Variants in CNTNAP5 observed in about 807,000 individuals in gnomAD.
CNTNAP5 encodes contactin associated protein family member 5, also known as contactin-associated protein-like 5.
CNTNAP5 carries 72 observed loss-of-function variants against 150.2 expected under a neutral mutation model. The observed-to-expected ratio is 0.48, with a 90% confidence interval of 0.40 to 0.58. The LOEUF is 0.58. Among genes scored for constraint, CNTNAP5 ranks in the 20% least tolerant of loss-of-function variants. The pLI is 0.00. For missense variants in CNTNAP5, 1,636 were observed against 1,626.2 expected (o/e 1.01, Z -0.10); for synonymous variants, 672 against 619.8 (o/e 1.08, Z -1.25).
intron 13 of CNTNAP5, chr2:124,680,606 A>T (rs1232000433): frequency 6.6e-6 from 1 of 151,590 alleles, no homozygotes; most frequent in African/African-American, 2.4e-5. Flanking sequence ...TGTTGGCTAT[A>T]TTTCCCCCCA....
chr2:124,315,269 C>T lies in CNTNAP5; in HGVS notation c.381+72876C>T, dbSNP rs144366710. ...GAGCCACCACGCTGAGCCCCTAATA[C>T]GCCTTTCTGTCTGGTCAGTCAGTTT... On this transcript the variant is annotated intron_variant, in intron 3 of 23. Transcript: ENST00000682447. 6.0e-3 allele frequency among the ~76,000 whole-genome samples: 907 copies of T among 152,276 alleles called. 12 individuals are homozygous for T. Among genetic ancestry groups the T allele is most frequent in the African/African-American group, 0.021 (867 of 41,552 alleles).
intron 9 of CNTNAP5, among the ~76,000 whole-genome samples, chr2:124,525,795 A>G (rs1306597385): frequency 6.6e-6 from 1 of 152,154 alleles, no homozygotes; most frequent in African/African-American, 2.4e-5. Flanking sequence ...TCATGCAGAA[A>G]CCTTGTGCAG....
At chr2:124,185,157 T>A (rs915260414) in intron 1 of CNTNAP5, among the ~76,000 whole-genome samples, 1 of 152,218 alleles carries the variant, frequency 6.6e-6, no homozygotes, top group African/African-American at 2.4e-5. Context: ...AAATTCCTTT[T>A]GCATGTCAAA....
At chr2:124,126,552 C>A (rs543072982) in intron 1 of CNTNAP5, among the ~76,000 whole-genome samples, 1 of 152,292 alleles carries the variant, frequency 6.6e-6, no homozygotes, top group African/African-American at 2.4e-5. Context: ...CTTCTTAACT[C>A]ATTTTATGAG....
intron 4 of CNTNAP5, among the ~76,000 whole-genome samples, chr2:124,431,855 A>C (rs1448657953): frequency 6.6e-6 from 1 of 151,938 alleles, no homozygotes; most frequent in Non-Finnish European, 1.5e-5. Flanking sequence ...TTTTGACATA[A>C]ACTTAACCCC....
chr2:124,899,992 T>A (rs1187899916), intron 21 of CNTNAP5, among the ~76,000 whole-genome samples: 2 of 151,310 alleles, frequency 1.3e-5, no homozygotes, highest in African/African-American at 4.9e-5. Context: ...GAGGGTTTTT[T>A]TTTTGGAGGC....
At chr2:124,143,591 AC>A (rs1054768986) in intron 1 of CNTNAP5, among the ~76,000 whole-genome samples, 1 of 52,202 alleles carries the variant, frequency 1.9e-5, no homozygotes, top group African/African-American at 6.5e-5. Flanking sequence ...AAATTCAACA[AC>A]CCTTCATGCT....
chr2:124,485,750 G>C (rs1332603329), intron 7 of CNTNAP5, among the ~76,000 whole-genome samples: 2 of 152,050 alleles, frequency 1.3e-5, no homozygotes, highest in Non-Finnish European at 2.9e-5. Context: ...CTGAAGCTGG[G>C]GTCAACCATG....
At position 124,919,667 on chromosome 2, in the gene CNTNAP5, AAT is replaced by A. The variant is rs1303019168; in HGVS notation, c.*5382_*5383del. ...TGTCTTACTCATTAGGGAAAGAGGC[AAT>A]ATCATGGGCTTTGCATGAATAATTC... On this transcript the variant is annotated 3_prime_UTR_variant, in exon 24 of 24. Coordinates refer to ENST00000682447, the MANE Select transcript of CNTNAP5 (RefSeq NM_001367498.1). Among the ~76,000 whole-genome samples, 2 of 151,928 alleles carry A rather than the reference AAT, an allele frequency of 1.3e-5. No homozygotes were observed. Among genetic ancestry groups the A allele is most frequent in the Non-Finnish European group, 2.9e-5 (2 of 67,954 alleles).
intron 3 of CNTNAP5, among the ~76,000 whole-genome samples, chr2:124,335,848 AAAAAC>A (rs1192347203): frequency 3.3e-5 from 5 of 151,980 alleles, no homozygotes; most frequent in Admixed American, 2.6e-4. Flanking sequence ...TGCAGGGGTG[AAAAAC>A]AAAACAAAAC....
chr2:124,208,481 T>C (rs1015089069), intron 1 of CNTNAP5, among the ~76,000 whole-genome samples: 1 of 152,242 alleles, frequency 6.6e-6, no homozygotes, highest in Non-Finnish European at 1.5e-5. Flanking sequence ...TAATAGCATG[T>C]GAAAGAATGT....
At chr2:124,365,125 G>C (rs1006528944) in intron 3 of CNTNAP5, among the ~76,000 whole-genome samples, 5 of 152,070 alleles carry the variant, frequency 3.3e-5, no homozygotes, top group African/African-American at 1.2e-4. Flanking sequence ...AACCTGGAAA[G>C]GGTAGTAAGA....
Position 124,481,627 on chromosome 2 carries a change from T to G in CNTNAP5, c.1062+6745T>G, listed in dbSNP as rs543912672. 2.6e-5 allele frequency among the ~76,000 whole-genome samples: 4 copies of G among 152,328 alleles called. No homozygotes were observed. The East Asian group carries it at 7.7e-4, about 29-fold the overall frequency. On this transcript the variant is annotated intron_variant, in intron 7 of 23. Coordinates refer to ENST00000682447, the MANE Select transcript of CNTNAP5 (RefSeq NM_001367498.1). ...ACTTTAAATGTATATTTATATATCA[T>G]AGACCACAGTTTATTGACAATTTTA...
At chr2:124,861,805 TA>T (rs990358147) in intron 19 of CNTNAP5, among the ~76,000 whole-genome samples, 5 of 152,224 alleles carry the variant, frequency 3.3e-5, no homozygotes, top group African/African-American at 1.2e-4. Context: ...TATTTTTATT[TA>T]TTTTATTCTA....
chr2:124,878,399 G>A (rs1161537046), intron 21 of CNTNAP5, among the ~76,000 whole-genome samples: 3 of 152,056 alleles, frequency 2.0e-5, no homozygotes, highest in Non-Finnish European at 4.4e-5. Flanking sequence ...TAATGCAAAT[G>A]ATGTGCCTAG....
At chr2:124,692,676 T>C in intron 13 of CNTNAP5, among the ~76,000 whole-genome samples, 1 of 152,212 alleles carries the variant, frequency 6.6e-6, no homozygotes, top group South Asian at 2.1e-4. Context: ...AGATTTTTTC[T>C]CCCCCTTTCT....
chr2:124,131,035 T>C (rs1683831510), intron 1 of CNTNAP5, among the ~76,000 whole-genome samples: 1 of 152,190 alleles, frequency 6.6e-6, no homozygotes, highest in African/African-American at 2.4e-5. Context: ...TGGAGTTTGA[T>C]TTTTCTGAGA....
At position 124,865,091 on chromosome 2, in the gene CNTNAP5, ACTCT is replaced by A. The variant is rs1285008985; in HGVS notation, c.3218-200_3218-197del. ...GTGATAACACCACACACACACACAC[ACTCT>A]CTCTCTCTCTCTCTGTCTCTCTATT... is the stretch of plus-strand genomic sequence containing the variant. On this transcript the variant is annotated intron_variant, in intron 19 of 23. Coordinates refer to ENST00000682447, the MANE Select transcript of CNTNAP5 (RefSeq NM_001367498.1). 8.2e-5 allele frequency among the ~76,000 whole-genome samples: 12 copies of A among 146,116 alleles called. No homozygotes were observed. In the South Asian group the frequency reaches 1.5e-3, roughly 19 times the overall value.
At chr2:124,691,713 C>G (rs1235024530) in intron 13 of CNTNAP5, among the ~76,000 whole-genome samples, 1 of 151,934 alleles carries the variant, frequency 6.6e-6, no homozygotes. Flanking sequence ...CTCAGTGGTC[C>G]CAGTTTTCTT....
Sources: allele counts gnomAD v4.1 joint callset (sites outside exome capture counted in the v4.1 genomes callset), GRCh38; gene constraint gnomAD v4.1.1; transcripts MANE v1.5; gene names NCBI Gene and HGNC (gene_info 2026-07-23, HGNC 2026-07-21).